The following KSR2 variants were observed in gnomAD, a reference collection of about 807,000 sequenced individuals.
KSR2 encodes kinase suppressor of ras 2.
A neutral mutation model predicts 107.8 loss-of-function variants in KSR2; 25 were observed. The observed-to-expected ratio is 0.23, with a 90% CI of 0.17 to 0.32. The LOEUF (loss-of-function observed/expected upper bound fraction) is 0.32. Among genes scored for constraint, KSR2 ranks in the 10% least tolerant of loss-of-function variants. KSR2 has a pLI of 1.00. For synonymous variants in KSR2, 480 were observed against 507.0 expected, an observed-to-expected ratio of 0.95 and a Z score of 0.71; for missense variants, 887 against 1,268.9, an observed-to-expected ratio of 0.70 and a Z score of 4.57.
intron 3 of KSR2, among the ~76,000 whole-genome samples, chr12:117,764,258 G>GA (rs1052839361): frequency 1.5e-4 from 23 of 148,836 alleles, no homozygotes; most frequent in African/African-American, 4.9e-4. Flanking sequence ...TTTTTTTAAG[G>GA]AAAAAAAAAT....
intron 5 of KSR2, among the ~76,000 whole-genome samples, chr12:117,593,936 C>G (rs10774937): frequency 0.15 from 23,014 of 152,220 alleles, 1,920 homozygotes; most frequent in Non-Finnish European, 0.18. Context: ...ACCATTTATT[C>G]CCCTTCTATC....
chr12:117,494,509 AC>A (rs775537979), intron 14 of KSR2, among the ~76,000 whole-genome samples: 119 of 152,176 alleles, frequency 7.8e-4, no homozygotes, highest in Non-Finnish European at 1.6e-3. Flanking sequence ...CACTTTGAGA[AC>A]CACCGCTCAA....
chr12:117,491,541 T>C (rs944875781), intron 14 of KSR2, among the ~76,000 whole-genome samples: 1 of 152,232 alleles, frequency 6.6e-6, no homozygotes, highest in African/African-American at 2.4e-5. Context: ...GGTTCATTCA[T>C]GTTGTCACAC....
intron 5 of KSR2, among the ~76,000 whole-genome samples, chr12:117,586,988 A>C (rs1302567553): frequency 2.0e-5 from 3 of 152,186 alleles, no homozygotes; most frequent in Non-Finnish European, 4.4e-5. Flanking sequence ...TAAGTGACTG[A>C]GTTGGGATTT....
chr12:117,956,242 T>C (rs1169887010), intron 1 of KSR2, among the ~76,000 whole-genome samples: 1 of 97,420 alleles, frequency 1.0e-5, no homozygotes, highest in African/African-American at 4.7e-5. Context: ...AGAGCAAGAC[T>C]CTGTCTCAAA....
At chr12:117,553,218 A>C (rs1473448782) in intron 9 of KSR2, among the ~76,000 whole-genome samples, 1 of 152,194 alleles carries the variant, frequency 6.6e-6, no homozygotes, top group Non-Finnish European at 1.5e-5. Context: ...TGCCACAAGG[A>C]GCCAGATGGT....
chr12:117,848,621 G>A (rs1343017786), intron 3 of KSR2, among the ~76,000 whole-genome samples: 1 of 152,208 alleles, frequency 6.6e-6, no homozygotes, highest in African/African-American at 2.4e-5. Flanking sequence ...GGGAAACAAA[G>A]AATGAGAGTG....
At chr12:117,648,389 T>C (rs1883747124) in intron 5 of KSR2, among the ~76,000 whole-genome samples, 1 of 152,230 alleles carries the variant, frequency 6.6e-6, no homozygotes, top group African/African-American at 2.4e-5. Flanking sequence ...TCATCTCTGA[T>C]GACCCCTAAC....
chr12:117,526,106 C>T (rs908679064), intron 13 of KSR2, among the ~76,000 whole-genome samples: 2 of 152,150 alleles, frequency 1.3e-5, no homozygotes, highest in African/African-American at 2.4e-5. Context: ...CTGGGAGGCC[C>T]GAGAAAATGC....
intron 14 of KSR2, among the ~76,000 whole-genome samples, chr12:117,516,463 T>C (rs1874383499): frequency 6.6e-6 from 1 of 152,148 alleles, no homozygotes; most frequent in Non-Finnish European, 1.5e-5. Context: ...GTGTCAAAGA[T>C]GTTTTGGCAC....
At chr12:117,492,796 G>C (rs972446715) in intron 14 of KSR2, among the ~76,000 whole-genome samples, 3 of 152,078 alleles carry the variant, frequency 2.0e-5, no homozygotes. Context: ...ATAGAAGAGG[G>C]GGCTGAATGG....
At chr12:117,659,959 G>A (rs531990111) in intron 5 of KSR2, among the ~76,000 whole-genome samples, 2 of 152,272 alleles carry the variant, frequency 1.3e-5, no homozygotes, top group South Asian at 2.1e-4. Flanking sequence ...ACATCTCCAC[G>A]CAGCCACACC....
intron 17 of KSR2, among the ~76,000 whole-genome samples, chr12:117,472,829 A>G (rs1457329797): frequency 6.6e-6 from 1 of 152,034 alleles, no homozygotes; most frequent in East Asian, 1.9e-4. Flanking sequence ...TTGTGGAGGG[A>G]GGTCTATTCA....
intron 4 of KSR2, among the ~76,000 whole-genome samples, chr12:117,689,858 G>A (rs1004446094): frequency 6.6e-6 from 1 of 151,990 alleles, no homozygotes; most frequent in African/African-American, 2.4e-5. Flanking sequence ...GATAGTGAGA[G>A]TAAGGGGGGT....
At chr12:117,954,891 C>T (rs938730573) in intron 1 of KSR2, among the ~76,000 whole-genome samples, 1 of 151,994 alleles carries the variant, frequency 6.6e-6, no homozygotes, top group South Asian at 2.1e-4. Context: ...GTGGCATGTG[C>T]CTGTAATCCC....
At chr12:117,946,474 C>A (rs2137551110) in intron 1 of KSR2, among the ~76,000 whole-genome samples, 1 of 152,206 alleles carries the variant, frequency 6.6e-6, no homozygotes, top group Non-Finnish European at 1.5e-5. Context: ...GTAAATTCAA[C>A]AATTTCAATA....
chr12:117,610,761 C>G (rs1350752349), intron 5 of KSR2, among the ~76,000 whole-genome samples: 5 of 145,368 alleles, frequency 3.4e-5, no homozygotes, highest in African/African-American at 1.3e-4. Context: ...AAAAACAGAT[C>G]CCAGTTAGAA....
At position 117,968,427 on chromosome 12, in the gene KSR2, G is replaced by A. The variant is rs1300002539; in HGVS notation, c.-172C>T. ...GGTTGAGGGGGTGGGAGTGGGAGGA[G>A]GGGACAAGAGCCAAAATTTATTATT... On this transcript the variant is annotated 5_prime_UTR_variant, in exon 1 of 20. Transcript: ENST00000339824. The A allele has an allele frequency of 2.3e-6, 3 of 1,327,930 alleles. No homozygotes were observed. The highest frequency in any genetic ancestry group is 2.9e-6 in the Non-Finnish European group (3 of 1,047,050). 82.3% of individuals were successfully genotyped at this position (1,327,930 alleles called of 1,614,324 possible). A position where few individuals can be genotyped will look rare whatever the true frequency, so the allele number is the denominator to read the frequency against.
At chr12:117,622,278 T>A (rs555442457) in intron 5 of KSR2, among the ~76,000 whole-genome samples, 22 of 152,274 alleles carry the variant, frequency 1.4e-4, no homozygotes, top group African/African-American at 4.8e-4. Flanking sequence ...GATTAAATCA[T>A]CATTTCCTGC....
Sources: allele counts gnomAD v4.1 joint callset (sites outside exome capture counted in the v4.1 genomes callset), GRCh38; gene constraint gnomAD v4.1.1; transcripts MANE v1.5; gene names NCBI Gene and HGNC (gene_info 2026-07-23, HGNC 2026-07-21).